Variants in MMP8 observed in about 807,000 individuals in gnomAD.
MMP8 encodes the protein neutrophil collagenase.
MMP8 carries 67 observed loss-of-function variants against 51.2 expected under a neutral mutation model. The observed-to-expected ratio is 1.31, with a 90% CI of 1.08 to 1.60. The LOEUF is 1.60. MMP8 is among the 40% of genes most tolerant of loss of function. The probability of loss-of-function intolerance (pLI) is 0.00; values close to 1 mark genes in which losing one functional copy is unlikely to be tolerated. For missense variants in MMP8, 654 were observed against 558.1 expected, an observed-to-expected ratio of 1.17 and a Z score of -1.73; for synonymous variants, 225 against 191.0, an observed-to-expected ratio of 1.18 and a Z score of -1.47.
Position 102,714,970 on chromosome 11 carries a change from ATGCCTTAGTTTGT to A in MMP8, c.1037-274_1037-262del, listed in dbSNP as rs1861245183. 2.6e-5 allele frequency among the ~76,000 whole-genome samples: 4 copies of A among 152,094 alleles called. No homozygotes were observed. In the South Asian group the frequency reaches 8.3e-4, roughly 32 times the overall value. On this transcript the variant is annotated intron_variant, in intron 7 of 9. Transcript: ENST00000236826. ...AAGACATTCAAGGCCCCACAATTGG[ATGCCTTAGTTTGT>A]GTGACTTTTATGCAGAAACCAAATT...
chr11:102,721,553 C>A (rs528744698), intron 3 of MMP8, 27 bp from the exon 4 acceptor site: 2 of 1,613,544 alleles, frequency 1.2e-6, no homozygotes, highest in Admixed American at 3.3e-5. Flanking sequence ...TGTATTAGAT[C>A]CTTGCCAAGT....
chr11:102,716,439 A>G lies in MMP8; in HGVS notation c.785-20T>C, dbSNP rs758511612. ...AAAGTCCTGGAAAAAAAAAAAAAAA[A>G]AAAAAAAAGGTCTTTCTTATGAGAG... On this transcript the variant is annotated intron_variant, in intron 5 of 9. Transcript: ENST00000236826. 4.9e-6 allele frequency: 7 copies of G among 1,432,330 alleles called. No individual in the cohort carries two copies. In the African/African-American group the frequency reaches 7.2e-5, roughly 15 times the overall value. 88.7% of individuals were successfully genotyped at this position (1,432,330 alleles called of 1,614,324 possible).
intron 4 of MMP8, 42 bp from the exon 5 acceptor site, chr11:102,718,617 C>G: frequency 6.2e-7 from 1 of 1,607,960 alleles, no homozygotes; most frequent in East Asian, 2.2e-5. Context: ...AGTGTGGATC[C>G]CAGGGTGGCA....
At chr11:102,716,225 C>A in intron 6 of MMP8, 77 bp downstream of exon 6, 3 of 1,038,440 alleles carry the variant, frequency 2.9e-6, no homozygotes, top group South Asian at 1.5e-5. Flanking sequence ...AGGTGACTAA[C>A]GTGTGACTTA....
chr11:102,722,103 A>T (rs1306359452), intron 2 of MMP8, among the ~76,000 whole-genome samples: 1 of 152,100 alleles, frequency 6.6e-6, no homozygotes, highest in East Asian at 1.9e-4. Flanking sequence ...TATTATTAAG[A>T]TGTATGAAAG....
chr11:102,722,223 G>C (rs1332178796), intron 2 of MMP8, among the ~76,000 whole-genome samples: 2 of 152,084 alleles, frequency 1.3e-5, no homozygotes, highest in Admixed American at 1.3e-4. Context: ...TGTTGGAGAA[G>C]GAAGACTAAA....
At position 102,715,447 on chromosome 11, in the gene MMP8, C is replaced by T. The variant is rs1486718708; in HGVS notation, c.903-10G>A. On this transcript the variant is annotated splice_polypyrimidine_tract_variant and intron_variant, in intron 6 of 9. Transcript: ENST00000236826. ...CCTTCTCCAGAAGTACCTAACGGAA[C>T]ATAAGGAAACACACACACACACTTA... is the stretch of plus-strand genomic sequence containing the variant. 2 of 1,608,052 alleles carry T rather than the reference C, an allele frequency of 1.2e-6. No individual in the cohort carries two copies. Among genetic ancestry groups the T allele is most frequent in the East Asian group, 2.2e-5 (1 of 44,850 alleles).
Position 102,713,819 on chromosome 11 carries a change from G to C in MMP8, c.1229C>G (p.Pro410Arg). Residue 410 changes from proline to arginine, a missense_variant, in exon 9 of 10, where the codon CCC (proline) becomes CGC (arginine). By Grantham distance (103) the Pro-to-Arg change is moderately radical. Coordinates refer to ENST00000236826, the MANE Select transcript of MMP8 (RefSeq NM_002424.3). ...NQRQFMEPGY[P>R]KSISGAFPGI... ...TGGAAAGGCACCTGATATGCTTTTG[G>C]GATAACCTGGCTCCATGAATTGTCT... 1 of 1,611,594 alleles carries C rather than the reference G, an allele frequency of 6.2e-7. No individual in the cohort carries two copies. The highest frequency in any genetic ancestry group is 8.5e-7 in the Non-Finnish European group (1 of 1,178,916).
chr11:102,716,707 ATTC>A (rs1172234490), intron 5 of MMP8, among the ~76,000 whole-genome samples: 1 of 152,070 alleles, frequency 6.6e-6, no homozygotes, highest in Non-Finnish European at 1.5e-5. Flanking sequence ...TTCTAAACTA[ATTC>A]TTCTCTGACT....
In MMP8 at chr11:102,716,427, A is replaced by AG; in HGVS notation, c.785-9_785-8insC. The AG allele has an allele frequency of 3.3e-6, 4 of 1,219,684 alleles. No homozygotes were observed. The highest frequency in any genetic ancestry group is 4.4e-6 in the Non-Finnish European group (4 of 908,708). The allele number at this position is 1,219,684 out of a possible 1,614,324, so 75.6% of individuals were successfully genotyped here. ...TAGGGTTGCTTGAAAGTCCTGGAAA[A>AG]AAAAAAAAAAAAAAAAAAAAGGTCT... On this transcript the variant is annotated splice_polypyrimidine_tract_variant and intron_variant, in intron 5 of 9. Coordinates refer to ENST00000236826, the MANE Select transcript of MMP8 (RefSeq NM_002424.3).
At chr11:102,721,554 C>T in intron 3 of MMP8, 28 bp from the exon 4 acceptor site, 3 of 1,613,468 alleles carry the variant, frequency 1.9e-6, no homozygotes, top group Non-Finnish European at 2.5e-6. Context: ...GTATTAGATC[C>T]TTGCCAAGTT....
chr11:102,715,347 A>T lies in MMP8; in HGVS notation c.993T>A (p.Ala331=), dbSNP rs778705965. The T allele has an allele frequency of 2.5e-6, 4 of 1,613,320 alleles. No individual in the cohort carries two copies. In the South Asian group the frequency reaches 4.4e-5, roughly 18 times the overall value. The change falls in exon 7 of 10, where the codon GCT becomes GCA. Residue 331 remains alanine (A), a synonymous_variant. Coordinates refer to ENST00000236826, the MANE Select transcript of MMP8 (RefSeq NM_002424.3). Reference sequence around the variant, plus strand: ...GGTCTCTGTCAAAATCTTCATAAGCAGCCTGTATACCAGTTGGAAGGGATG... The same window carrying T: ...GGTCTCTGTCAAAATCTTCATAAGCTGCCTGTATACCAGTTGGAAGGGATG... ...FWPSLPTGIQ[A]AYEDFDRDLI...
At chr11:102,713,697 C>T in intron 9 of MMP8, 57 bp downstream of exon 9, 1 of 1,414,636 alleles carries the variant, frequency 7.1e-7, no homozygotes, top group Non-Finnish European at 9.8e-7. Flanking sequence ...AAGACCCTGT[C>T]TCCTCTATAA....
chr11:102,724,741 A>G lies in MMP8; in HGVS notation c.102+13T>C. On this transcript the variant is annotated intron_variant, in intron 1 of 9. Coordinates refer to ENST00000236826, the MANE Select transcript of MMP8 (RefSeq NM_002424.3). ...CAGCAAATCAAACATCACCTAACTG[A>G]TAGTTCATTTACCTGAACAGTTTTT... is the stretch of plus-strand genomic sequence containing the variant. 6.3e-7 allele frequency: 1 copy of G among 1,580,282 alleles called. No individual in the cohort carries two copies. The highest frequency in any genetic ancestry group is 1.3e-5 in the African/African-American group (1 of 74,228).
Position 102,714,704 on chromosome 11 carries a change from G to A in MMP8, c.1042C>T (p.Gln348Ter), listed in dbSNP as rs1322731713. ...TCATAGCCACTCAGAGCCCAGTATT[G>A]GTTGCCTGTCAATGATTCAGGTTAA... ...RDLIFLFKGN[Q>*]YWALSGYDIL... The change falls in exon 8 of 10, where the codon CAA becomes TAA. Residue 348 changes from glutamine to a stop codon, truncating the protein, a stop_gained. Coordinates refer to ENST00000236826, the MANE Select transcript of MMP8 (RefSeq NM_002424.3). LOFTEE classifies it high-confidence loss of function. 4 of 1,486,988 alleles carry A rather than the reference G, an allele frequency of 2.7e-6. No individual in the cohort carries two copies. The highest frequency in any genetic ancestry group is 1.5e-5 in the African/African-American group (1 of 67,064). 92.1% of individuals were successfully genotyped at this position (1,486,988 alleles called of 1,614,324 possible).
chr11:102,713,101 A>C lies in MMP8; in HGVS notation c.*247T>G. 1 of 365,736 alleles carries C rather than the reference A, an allele frequency of 2.7e-6. No homozygotes were observed. The highest frequency in any genetic ancestry group is 5.0e-6 in the Non-Finnish European group (1 of 201,794). 22.7% of individuals were successfully genotyped at this position (365,736 alleles called of 1,614,324 possible). A position where few individuals can be genotyped will look rare whatever the true frequency, so the allele number is the denominator to read the frequency against. On this transcript the variant is annotated 3_prime_UTR_variant, in exon 10 of 10. Transcript: ENST00000236826. ...AATAGTAAATATTGAGGTGACAAAA[A>C]GGCTTACTTTCCTTCTCTTTGATGG... is the stretch of plus-strand genomic sequence containing the variant.
In MMP8 at chr11:102,721,412, T is replaced by C. The variant is rs374219616; in HGVS notation, c.611A>G (p.Asn204Ser). 1.2e-6 allele frequency: 2 copies of C among 1,613,586 alleles called. No individual in the cohort carries two copies. Among genetic ancestry groups the C allele is most frequent in the African/African-American group, 1.3e-5 (1 of 74,846 alleles). Residue 204 changes from asparagine (N) to serine (S), a missense_variant, in exon 4 of 10, where the codon AAC (asparagine) becomes AGC (serine). Transcript: ENST00000236826. ...AHFDAEETWTNTSANYNLFLV... is the reference protein window; with the variant it reads ...AHFDAEETWTSTSANYNLFLV... Reference sequence around the variant, plus strand: ...CTTGATTAACTTACTTGCGGAGGTGTTGGTCCATGTTTCTTCGGCATCAAA... The same window carrying C: ...CTTGATTAACTTACTTGCGGAGGTGCTGGTCCATGTTTCTTCGGCATCAAA...
Position 102,722,802 on chromosome 11 carries a change from T to A in MMP8, c.103-129A>T, listed in dbSNP as rs1861514413. 4.3e-6 allele frequency: 6 copies of A among 1,380,512 alleles called. No homozygotes were observed. In the South Asian group the frequency reaches 8.8e-5, roughly 20 times the overall value. The allele number at this position is 1,380,512 out of a possible 1,614,324, so 85.5% of individuals were successfully genotyped here. A position where few individuals can be genotyped will look rare whatever the true frequency, so the allele number is the denominator to read the frequency against. Reference sequence around the variant, plus strand: ...CAGCCACAGGAACAATAACACAAATTAATTTGTAGGTTGGCTTTGAGAGAA... The same window carrying A: ...CAGCCACAGGAACAATAACACAAATAAATTTGTAGGTTGGCTTTGAGAGAA... On this transcript the variant is annotated intron_variant, in intron 1 of 9. Transcript: ENST00000236826.
In MMP8 at chr11:102,718,554, GCAA is replaced by G. The variant is rs755937387; in HGVS notation, c.641_643del (p.Val214del). On this transcript the variant is annotated inframe_deletion, in exon 5 of 10. Coordinates refer to ENST00000236826, the MANE Select transcript of MMP8 (RefSeq NM_002424.3). ...CAAAGAATGGCCAAATTCATGAGCA[GCAA>G]CAAGAAACAAGTTGTAATCTGAAAT... 2.1e-4 allele frequency: 332 copies of G among 1,613,780 alleles called. No individual in the cohort carries two copies. Among genetic ancestry groups the G allele is most frequent in the Middle Eastern group, 1.5e-3 (9 of 6,080 alleles).
Sources: allele counts gnomAD v4.1 joint callset (sites outside exome capture counted in the v4.1 genomes callset), GRCh38; gene constraint gnomAD v4.1.1; transcripts MANE v1.5; gene names NCBI Gene and HGNC (gene_info 2026-07-23, HGNC 2026-07-21).